MAGI1: variants seen among roughly 807,000 people sequenced by gnomAD.
The protein encoded by MAGI1 is membrane-associated guanylate kinase, WW and PDZ domain-containing protein 1.
Under a neutral mutation model 139.9 loss-of-function variants are expected in MAGI1, and 58 were observed. That is an observed-to-expected ratio of 0.41 (90% confidence interval 0.34 to 0.52). The LOEUF is 0.52. Among genes scored for constraint, MAGI1 ranks in the 20% least tolerant of loss-of-function variants. The probability of loss-of-function intolerance (pLI) is 0.12; values close to 1 mark genes in which losing one functional copy is unlikely to be tolerated. For synonymous variants in MAGI1, 812 were observed against 737.9 expected, an observed-to-expected ratio of 1.10 and a Z score of -1.63; for missense variants, 1,874 against 1,901.6, an observed-to-expected ratio of 0.99 and a Z score of 0.27.
intron 2 of MAGI1, among the ~76,000 whole-genome samples, chr3:65,530,672 TACATATATATATACGTGTATATATATAC>T (rs1559642317): frequency 9.2e-5 from 13 of 141,316 alleles, no homozygotes; most frequent in East Asian, 6.2e-4. Flanking sequence ...TATATATATA[TACATATATATATACGTGTATATATATAC>T]ACATATACAC....
At chr3:65,780,016 AT>A (rs199837880) in intron 1 of MAGI1, among the ~76,000 whole-genome samples, 6,125 of 128,906 alleles carry the variant, frequency 0.048, 450 homozygotes, top group African/African-American at 0.16. Flanking sequence ...CATGCTATCA[AT>A]TTTTTGGGGG....
chr3:65,374,053 C>T (rs1339278663), intron 18 of MAGI1, among the ~76,000 whole-genome samples: 1 of 151,932 alleles, frequency 6.6e-6, no homozygotes, highest in Non-Finnish European at 1.5e-5. Flanking sequence ...CAGATGAAAC[C>T]CTAATTTTCT....
At chr3:65,673,615 T>C (rs1362462472) in intron 1 of MAGI1, among the ~76,000 whole-genome samples, 1 of 152,158 alleles carries the variant, frequency 6.6e-6, no homozygotes, top group Non-Finnish European at 1.5e-5. Flanking sequence ...TTTCGTTATC[T>C]GTGAGGTAAG....
At chr3:65,465,632 A>G (rs1448946372) in intron 5 of MAGI1, among the ~76,000 whole-genome samples, 5 of 152,244 alleles carry the variant, frequency 3.3e-5, no homozygotes, top group Admixed American at 3.3e-4. Flanking sequence ...TAACATACAT[A>G]GGGTGTCATT....
chr3:65,404,875 C>A (rs1287704624), intron 12 of MAGI1, among the ~76,000 whole-genome samples: 1 of 152,202 alleles, frequency 6.6e-6, no homozygotes, highest in Non-Finnish European at 1.5e-5. Context: ...TACCAGTGGT[C>A]TTCCCTAGAC....
intron 1 of MAGI1, among the ~76,000 whole-genome samples, chr3:65,960,451 G>A (rs547981231): frequency 2.6e-5 from 4 of 152,226 alleles, no homozygotes; most frequent in African/African-American, 9.6e-5. Flanking sequence ...ACTGAAGAAG[G>A]GTGGGCAAGA....
intron 5 of MAGI1, among the ~76,000 whole-genome samples, chr3:65,459,485 G>A (rs1221607061): frequency 6.6e-6 from 1 of 152,120 alleles, no homozygotes; most frequent in East Asian, 1.9e-4. Context: ...CAACCTTGCT[G>A]AACTCGCTTA....
intron 1 of MAGI1, among the ~76,000 whole-genome samples, chr3:65,880,150 G>T (rs1242532917): frequency 6.6e-6 from 1 of 152,184 alleles, no homozygotes; most frequent in African/African-American, 2.4e-5. Flanking sequence ...GCTAAGGCAG[G>T]AGGACTGCTT....
chr3:65,407,790 T>C (rs977332029), intron 12 of MAGI1, among the ~76,000 whole-genome samples: 2 of 152,176 alleles, frequency 1.3e-5, no homozygotes, highest in African/African-American at 4.8e-5. Flanking sequence ...TTGCTGGATT[T>C]TACACATAAT....
intron 2 of MAGI1, among the ~76,000 whole-genome samples, chr3:65,544,052 T>C (rs912005818): frequency 1.3e-5 from 2 of 152,074 alleles, no homozygotes; most frequent in African/African-American, 4.8e-5. Flanking sequence ...GGGAGAGGTG[T>C]AGTAGACATA....
intron 1 of MAGI1, among the ~76,000 whole-genome samples, chr3:65,749,921 TC>T (rs1322614718): frequency 1.3e-5 from 2 of 152,104 alleles, no homozygotes; most frequent in Non-Finnish European, 2.9e-5. Flanking sequence ...GCTTACTTTT[TC>T]CACCTACTCC....
At position 65,945,287 on chromosome 3, in the gene MAGI1, G is replaced by A. The variant is rs150681818; in HGVS notation, c.313+92709C>T. Among the ~76,000 whole-genome samples, 305 of 152,306 alleles carry A rather than the reference G, an allele frequency of 2.0e-3. 11 individuals are homozygous for A. The East Asian group carries it at 0.049, about 25-fold the overall frequency. On this transcript the variant is annotated intron_variant, in intron 1 of 22. Transcript: ENST00000402939. Reference sequence around the variant, plus strand: ...TGTTATATGGATAAACTCGTGTCATGAGGGTTTGATGTACAGATTATTTCA... The same window carrying A: ...TGTTATATGGATAAACTCGTGTCATAAGGGTTTGATGTACAGATTATTTCA...
chr3:65,921,739 A>G (rs1160477033), intron 1 of MAGI1, among the ~76,000 whole-genome samples: 2 of 152,146 alleles, frequency 1.3e-5, no homozygotes, highest in African/African-American at 4.8e-5. Context: ...TCAAAGGAGA[A>G]TCAATCAAAA....
At chr3:65,395,034 A>T (rs1944271283) in intron 13 of MAGI1, among the ~76,000 whole-genome samples, 1 of 152,090 alleles carries the variant, frequency 6.6e-6, no homozygotes, top group Non-Finnish European at 1.5e-5. Context: ...AAAATGGAAA[A>T]ACCTAGTACA....
At chr3:65,985,481 G>A (rs895195164) in intron 1 of MAGI1, among the ~76,000 whole-genome samples, 11 of 152,312 alleles carry the variant, frequency 7.2e-5, no homozygotes, top group Admixed American at 5.2e-4. Flanking sequence ...AGCTGGAAAT[G>A]CACCTGTCTC....
intron 1 of MAGI1, among the ~76,000 whole-genome samples, chr3:65,840,695 G>C (rs1302114441): frequency 2.0e-5 from 3 of 152,078 alleles, no homozygotes; most frequent in Non-Finnish European, 2.9e-5. Flanking sequence ...TGGTGTGGGT[G>C]GGGGGTGGCC....
At position 65,480,632 on chromosome 3, in the gene MAGI1, C is replaced by T. The variant is rs541911005; in HGVS notation, c.551-1834G>A. On this transcript the variant is annotated intron_variant, in intron 3 of 22. Coordinates refer to ENST00000402939, the MANE Select transcript of MAGI1 (RefSeq NM_001033057.2). ...ATGGAGTCTTGCTGCATCACCCAGGCTGGAGTGCAATGGCACGATCTCGGC... is the reference window on the plus strand; with the variant it reads ...ATGGAGTCTTGCTGCATCACCCAGGTTGGAGTGCAATGGCACGATCTCGGC... Among the ~76,000 whole-genome samples, 9 of 139,538 alleles carry T rather than the reference C, an allele frequency of 6.4e-5. No homozygotes were observed. In the South Asian group the frequency reaches 1.3e-3, roughly 21 times the overall value. 91.5% of individuals were successfully genotyped at this position (139,538 alleles called of 152,430 possible).
rs745485618 is a variant in MAGI1 at position 65,356,388 on chromosome 3, A to T, written c.4379T>A (p.Leu1460His). 1.8e-5 allele frequency: 29 copies of T among 1,585,026 alleles called. No homozygotes were observed. The highest frequency in any genetic ancestry group is 2.3e-5 in the Non-Finnish European group (27 of 1,170,626). ...ATGTGACTCAGCGTCTCAGATACTG[A>T]GGTCGGTGCTACATTCTTTGTAAGG... ...RRPYKECSTD[L>H]SI Residue 1460 changes from leucine (L) to histidine (H), a missense_variant, in exon 23 of 23, where the codon CTC becomes CAC. Physicochemically the swap from Leu to His is moderately conservative, Grantham distance 99. Coordinates refer to ENST00000402939, the MANE Select transcript of MAGI1 (RefSeq NM_001033057.2).
chr3:65,576,354 A>G (rs1348491181), intron 2 of MAGI1, among the ~76,000 whole-genome samples: 1 of 152,198 alleles, frequency 6.6e-6, no homozygotes, highest in African/African-American at 2.4e-5. Context: ...GTGACACATT[A>G]GCATGAAATT....
Sources: allele counts gnomAD v4.1 joint callset (sites outside exome capture counted in the v4.1 genomes callset), GRCh38; gene constraint gnomAD v4.1.1; transcripts MANE v1.5; gene names NCBI Gene and HGNC (gene_info 2026-07-23, HGNC 2026-07-21).